Variants in SLC44A1 observed in about 807,000 individuals in gnomAD.
SLC44A1 encodes solute carrier family 44 member 1.
A neutral mutation model predicts 79.3 loss-of-function variants in SLC44A1; 26 were observed. The ratio of observed to expected loss-of-function variants is 0.33; its 90% CI spans 0.24 to 0.46. SLC44A1 has a LOEUF of 0.46. SLC44A1 is among the 20% of genes least tolerant of loss of function. The pLI, the probability that SLC44A1 is intolerant of heterozygous loss-of-function variation, is 1.00. For missense variants in SLC44A1, 688 were observed against 798.1 expected (o/e 0.86, Z 1.66); for synonymous variants, 263 against 286.2 (o/e 0.92, Z 0.82).
intron 15 of SLC44A1, among the ~76,000 whole-genome samples, chr9:105,408,858 GTGTT>G (rs1233773636): frequency 3.3e-5 from 5 of 152,160 alleles, no homozygotes; most frequent in Non-Finnish European, 5.9e-5. Context: ...TAGGAACACA[GTGTT>G]TGTACATTAT....
chr9:105,358,201 A>C, intron 6 of SLC44A1, 143 bp from the exon 7 acceptor site: 1 of 573,614 alleles, frequency 1.7e-6, no homozygotes, highest in Non-Finnish European at 3.1e-6. Flanking sequence ...ATACAACAGC[A>C]GCTAGTTTCC....
chr9:105,419,670 T>C (rs1829218026), intron 15 of SLC44A1, among the ~76,000 whole-genome samples: 1 of 152,132 alleles, frequency 6.6e-6, no homozygotes, highest in Non-Finnish European at 1.5e-5. Flanking sequence ...ATAATACCAC[T>C]TTGGGAGGCC....
exon 16 of SLC44A1, chr9:105,438,282 T>C: frequency 6.4e-7 from 1 of 1,550,456 alleles, no homozygotes; most frequent in Non-Finnish European, 8.7e-7. Flanking sequence ...TTTTTTCAGC[T>C]GAAGAAAAGG....
At chr9:105,335,791 A>C (rs1012467420) in intron 4 of SLC44A1, 92 bp downstream of exon 4, 4 of 1,152,084 alleles carry the variant, frequency 3.5e-6, no homozygotes, top group Non-Finnish European at 4.8e-6. Flanking sequence ...ATTATCAAGG[A>C]ACCTTAGATA....
At chr9:105,372,738 C>T (rs1419279109) in intron 12 of SLC44A1, among the ~76,000 whole-genome samples, 2 of 147,184 alleles carry the variant, frequency 1.4e-5, no homozygotes, top group South Asian at 2.4e-4. Flanking sequence ...ATCACGAGGT[C>T]AGGAGATCGA....
At chr9:105,408,055 C>T (rs7859070) in intron 15 of SLC44A1, among the ~76,000 whole-genome samples, 1 of 149,686 alleles carries the variant, frequency 6.7e-6, no homozygotes. Context: ...AATCCCAGCT[C>T]AGGCAGGAGA....
chr9:105,326,430 A>C (rs1308214829), intron 3 of SLC44A1, among the ~76,000 whole-genome samples: 1 of 152,180 alleles, frequency 6.6e-6, no homozygotes, highest in African/African-American at 2.4e-5. Context: ...ATTTGCTATA[A>C]GTGACTCTTG....
At chr9:105,420,718 G>A (rs12004028) in intron 15 of SLC44A1, among the ~76,000 whole-genome samples, 2,360 of 151,948 alleles carry the variant, frequency 0.016, 70 homozygotes, top group African/African-American at 0.054. Context: ...AAAATTAGCC[G>A]GGCGTGGTGA....
chr9:105,424,195 A>G (rs1258175282), intron 15 of SLC44A1, among the ~76,000 whole-genome samples: 1 of 152,156 alleles, frequency 6.6e-6, no homozygotes, highest in African/African-American at 2.4e-5. Context: ...TCCATGGGGC[A>G]AGGAGTCCAC....
At position 105,394,923 on chromosome 9, in the gene SLC44A1, T is replaced by G. The variant is rs976600691; in HGVS notation, c.*5867T>G. The G allele has an allele frequency of 1.0e-6, 1 of 985,436 alleles. No individual in the cohort carries two copies. Among genetic ancestry groups the G allele is most frequent in the Non-Finnish European group, 1.2e-6 (1 of 829,946 alleles). The allele number at this position is 985,436 out of a possible 1,614,324, so 61.0% of individuals were successfully genotyped here. A position where few individuals can be genotyped will look rare whatever the true frequency, so the allele number is the denominator to read the frequency against. On this transcript the variant is annotated 3_prime_UTR_variant, in exon 16 of 16. Transcript: ENST00000374720. ...CCCCCAGTCCCTTACCTACTCTATC[T>G]TCTTTAGGGAAGCATGTGGATTTCT... is the stretch of plus-strand genomic sequence containing the variant.
intron 1 of SLC44A1, 70 bp downstream of exon 1, chr9:105,244,974 C>A: frequency 3.9e-6 from 3 of 775,902 alleles, no homozygotes; most frequent in South Asian, 6.1e-5. Context: ...GGCGGGCGCC[C>A]GCCGCCCGAT....
chr9:105,428,936 C>A (rs912117685), intron 15 of SLC44A1, among the ~76,000 whole-genome samples: 3 of 152,200 alleles, frequency 2.0e-5, no homozygotes, highest in Non-Finnish European at 4.4e-5. Context: ...GATCTCCTGA[C>A]CTCGTGATCC....
At chr9:105,438,339 T>C (rs1343447528) in exon 16 of SLC44A1, 2 of 1,514,998 alleles carry the variant, frequency 1.3e-6, no homozygotes, top group Admixed American at 2.0e-5. Flanking sequence ...GGAGGTTGTT[T>C]ACATGAGGTT....
intron 8 of SLC44A1, 148 bp downstream of exon 8, chr9:105,361,478 A>C (rs1478452724): frequency 2.7e-6 from 2 of 748,220 alleles, no homozygotes; most frequent in African/African-American, 3.6e-5. Flanking sequence ...TGAAACACTA[A>C]AAAGTCTCTT....
chr9:105,354,143 C>T (rs1326520287), intron 5 of SLC44A1, among the ~76,000 whole-genome samples: 1 of 147,292 alleles, frequency 6.8e-6, no homozygotes. Flanking sequence ...CTCCGCCTCC[C>T]GGGTTCACGC....
intron 15 of SLC44A1, among the ~76,000 whole-genome samples, chr9:105,410,606 A>T (rs1050871082): frequency 1.3e-5 from 2 of 152,234 alleles, no homozygotes; most frequent in African/African-American, 4.8e-5. Flanking sequence ...GCTGGTGAGA[A>T]TGTAAAATGG....
At chr9:105,378,729 T>G (rs1375277111) in intron 13 of SLC44A1, among the ~76,000 whole-genome samples, 1 of 152,220 alleles carries the variant, frequency 6.6e-6, no homozygotes, top group Non-Finnish European at 1.5e-5. Context: ...AGTTTTTCTT[T>G]CCTAAAAATA....
chr9:105,429,789 A>G (rs1465316027), intron 15 of SLC44A1, among the ~76,000 whole-genome samples: 1 of 150,922 alleles, frequency 6.6e-6, no homozygotes, highest in East Asian at 1.9e-4. Flanking sequence ...GCCTTTTAGG[A>G]ACCATTTCAA....
chr9:105,274,768 C>T (rs1192323329), intron 1 of SLC44A1, among the ~76,000 whole-genome samples: 4 of 151,906 alleles, frequency 2.6e-5, no homozygotes, highest in East Asian at 3.9e-4. Context: ...TTACATATAC[C>T]GTGGTTAACC....
Sources: gnomAD v4.1 joint callset for allele counts (sites outside exome capture counted in the v4.1 genomes callset) on GRCh38, gnomAD v4.1.1 for gene constraint, MANE v1.5 for transcripts, NCBI Gene and HGNC (gene_info 2026-07-23, HGNC 2026-07-21) for gene names.